Variants in ERI1 observed in about 807,000 individuals in gnomAD.
The protein encoded by ERI1 is exoribonuclease 1, also known as 3'-5' exoribonuclease 1.
Under a neutral mutation model 39.7 loss-of-function variants are expected in ERI1, and 39 were observed. The observed-to-expected ratio is 0.98, with a 90% CI of 0.76 to 1.28. ERI1 has a LOEUF of 1.28. Ranked by LOEUF, ERI1 falls within the 50% of genes most tolerant of loss-of-function variation. ERI1 has a pLI of 0.00. For missense variants in ERI1, 581 were observed against 416.9 expected (o/e 1.39, Z -3.43); for synonymous variants, 204 against 149.6 (o/e 1.36, Z -2.65).
chr8:9,025,342 C>T (rs988224957), intron 6 of ERI1, among the ~76,000 whole-genome samples: 2 of 152,164 alleles, frequency 1.3e-5, no homozygotes, highest in Non-Finnish European at 2.9e-5. Context: ...TACTCCGTTA[C>T]CTTTGAAATG....
At chr8:9,025,589 C>G (rs187684308) in intron 6 of ERI1, among the ~76,000 whole-genome samples, 2 of 152,264 alleles carry the variant, frequency 1.3e-5, no homozygotes. Flanking sequence ...TGTTCTTTGT[C>G]TAGATTTCAC....
At chr8:9,025,164 A>G (rs1330710750) in intron 6 of ERI1, among the ~76,000 whole-genome samples, 2 of 152,174 alleles carry the variant, frequency 1.3e-5, no homozygotes, top group Non-Finnish European at 2.9e-5. Flanking sequence ...TTACCTAATC[A>G]TATGCTGGTG....
chr8:9,026,356 A>C (rs942632322), intron 6 of ERI1, among the ~76,000 whole-genome samples: 1 of 152,126 alleles, frequency 6.6e-6, no homozygotes, highest in Non-Finnish European at 1.5e-5. Flanking sequence ...CAGAACTCTC[A>C]TATTCCAAAA....
intron 3 of ERI1, chr8:9,099,743 T>A (rs1799992628): frequency 6.6e-6 from 1 of 152,240 alleles, no homozygotes; most frequent in Non-Finnish European, 1.5e-5. Flanking sequence ...ATTTATCCTT[T>A]TACCTATCAA....
chr8:9,039,509 C>A (rs930700895), intron 3 of ERI1, among the ~76,000 whole-genome samples: 1 of 152,084 alleles, frequency 6.6e-6, no homozygotes, highest in African/African-American at 2.4e-5. Flanking sequence ...TTAGTGAAAA[C>A]AGTCAAGATT....
At chr8:9,087,328 C>G (rs1799561120) in intron 3 of ERI1, among the ~76,000 whole-genome samples, 1 of 151,538 alleles carries the variant, frequency 6.6e-6, no homozygotes, top group Non-Finnish European at 1.5e-5. Context: ...TCACTGCAAT[C>G]TCCGCCTCCC....
chr8:9,065,994 C>G (rs534843004), intron 3 of ERI1, among the ~76,000 whole-genome samples: 1 of 152,036 alleles, frequency 6.6e-6, no homozygotes, highest in South Asian at 2.1e-4. Context: ...AGGTCACGGC[C>G]GCCTTTTTTT....
chr8:9,027,932 A>C (rs374484605), intron 6 of ERI1, among the ~76,000 whole-genome samples: 2 of 152,214 alleles, frequency 1.3e-5, no homozygotes, highest in African/African-American at 4.8e-5. Flanking sequence ...CTACTTGGTC[A>C]TGGCACATAA....
At chr8:9,040,535 G>T (rs1797983300) in intron 3 of ERI1, among the ~76,000 whole-genome samples, 1 of 152,164 alleles carries the variant, frequency 6.6e-6, no homozygotes, top group Non-Finnish European at 1.5e-5. Flanking sequence ...CTGTATGAAA[G>T]CTCAGAATTA....
At chr8:9,091,032 A>AT (rs990949756) in intron 3 of ERI1, among the ~76,000 whole-genome samples, 8 of 152,192 alleles carry the variant, frequency 5.3e-5, no homozygotes, top group African/African-American at 1.7e-4. Flanking sequence ...TTCTGAAAAT[A>AT]TTTTTTTCCA....
In ERI1 at chr8:9,090,944, T is replaced by C. The variant is rs115840048; in HGVS notation, n.300-25404T>C. Among the ~76,000 whole-genome samples, 484 of 152,326 alleles carry C rather than the reference T, an allele frequency of 3.2e-3. 3 individuals are homozygous for C. The highest frequency in any genetic ancestry group is 0.011 in the African/African-American group (464 of 41,574). ...TATAAACTTTTTATAGTGTGTAATATTACTTTCTAATACTTAGCATTTAAG... is the reference window on the plus strand; with the variant it reads ...TATAAACTTTTTATAGTGTGTAATACTACTTTCTAATACTTAGCATTTAAG... On this transcript the variant is annotated intron_variant and non_coding_transcript_variant, in intron 3 of 3. Transcript: ENST00000518663.
chr8:9,020,491 G>T, intron 6 of ERI1, 27 bp downstream of exon 6: 2 of 1,366,678 alleles, frequency 1.5e-6, no homozygotes, highest in Non-Finnish European at 2.0e-6. Context: ...TAATAATTAC[G>T]TGGTTCTTAA....
chr8:9,035,456 G>A (rs2117330381), downstream of ERI1, among the ~76,000 whole-genome samples: 1 of 152,228 alleles, frequency 6.6e-6, no homozygotes, highest in East Asian at 1.9e-4. Flanking sequence ...AATCTACTCT[G>A]CCTGTGCTCT....
intron 3 of ERI1, among the ~76,000 whole-genome samples, chr8:9,069,038 C>G (rs146409992): frequency 6.6e-6 from 1 of 152,106 alleles, no homozygotes; most frequent in Non-Finnish European, 1.5e-5. Context: ...AGGCTGGTCT[C>G]GAACTCCTGG....
At chr8:9,050,018 C>T (rs1485732439) in intron 3 of ERI1, among the ~76,000 whole-genome samples, 2 of 152,154 alleles carry the variant, frequency 1.3e-5, no homozygotes, top group African/African-American at 4.8e-5. Context: ...GGATTACCCA[C>T]TGTTACCTTG....
downstream of ERI1, among the ~76,000 whole-genome samples, chr8:9,037,511 T>TTC (rs927455694): frequency 2.0e-5 from 3 of 152,024 alleles, no homozygotes; most frequent in African/African-American, 7.2e-5. Context: ...TTTTTTTTTT[T>TTC]CTGTTTCCCC....
At chr8:9,029,644 T>G in intron 6 of ERI1, 148 bp from the exon 7 acceptor site, 1 of 973,266 alleles carries the variant, frequency 1.0e-6, no homozygotes, top group Non-Finnish European at 1.5e-6. Flanking sequence ...ATTTTTTATT[T>G]GCCTTATTTG....
intron 3 of ERI1, 89 bp downstream of exon 3, chr8:9,011,841 G>A (rs1002147928): frequency 1.9e-5 from 18 of 929,512 alleles, no homozygotes; most frequent in South Asian, 1.8e-4. Context: ...TTGCTTTTTA[G>A]CCAGAATTAG....
intron 3 of ERI1, 57 bp from the exon 4 acceptor site, chr8:9,016,265 T>C (rs1585203480): frequency 2.8e-6 from 3 of 1,065,754 alleles, no homozygotes; most frequent in East Asian, 5.1e-5. Flanking sequence ...TCGTGTATCA[T>C]GTATCGTGTA....
Sources: gnomAD v4.1 joint callset for allele counts (sites outside exome capture counted in the v4.1 genomes callset) on GRCh38, gnomAD v4.1.1 for gene constraint, MANE v1.5 for transcripts, NCBI Gene and HGNC (gene_info 2026-07-23, HGNC 2026-07-21) for gene names.